The following FGD3 variants were observed in gnomAD, a reference collection of about 807,000 sequenced individuals.
FGD3 encodes the protein FYVE, RhoGEF and PH domain containing 3.
A neutral mutation model predicts 71.8 loss-of-function variants in FGD3; 45 were observed. The ratio of observed to expected loss-of-function variants is 0.63; its 90% CI spans 0.49 to 0.80. The LOEUF (loss-of-function observed/expected upper bound fraction) is 0.80, where lower values mean the gene tolerates loss of function less well. Ranked by LOEUF, FGD3 falls within the 30% of genes least tolerant of loss-of-function variation. The probability of loss-of-function intolerance (pLI) is 0.00; values close to 1 mark genes in which losing one functional copy is unlikely to be tolerated. For synonymous variants in FGD3, 378 were observed against 392.8 expected (o/e 0.96, Z 0.44); for missense variants, 844 against 951.5 (o/e 0.89, Z 1.49).
At chr9:93,034,866 GCACCTGGGTGGACCC>G in intron 17 of FGD3, among the ~76,000 whole-genome samples, 185 bp downstream of exon 17, 1 of 152,266 alleles carries the variant, frequency 6.6e-6, no homozygotes, top group African/African-American at 2.4e-5. Context: ...GAACCTACTG[GCACCTGGGTGGACCC>G]CAGAGCCAGC....
chr9:92,986,310 ATGT>A (rs767491262), intron 3 of FGD3, among the ~76,000 whole-genome samples: 4 of 152,120 alleles, frequency 2.6e-5, no homozygotes, highest in African/African-American at 7.2e-5. Flanking sequence ...CCCATCTCTC[ATGT>A]TCTTTAAGTA....
rs199640763 is a variant in FGD3 at position 93,022,389 on chromosome 9, G to A, written c.1557G>A (p.Gly519=). The change falls in exon 14 of 18, where the codon GGG becomes GGA. Residue 519 remains glycine (G), a splice_region_variant and synonymous_variant. Coordinates refer to ENST00000375482, the MANE Select transcript of FGD3 (RefSeq NM_001083536.2). ...CCGAAGGCAGTTCGGGTGCAGCAGG[G>A]GTAAGTGCCCCATGCTCAGCGGTCA... ...VTTEGSSGAA[G]LEPRKLSSKT... is the part of the protein sequence containing the mutation. 6.2e-7 allele frequency: 1 copy of A among 1,612,194 alleles called. No individual in the cohort carries two copies. Among genetic ancestry groups the A allele is most frequent in the African/African-American group, 1.3e-5 (1 of 74,934 alleles).
intron 14 of FGD3, among the ~76,000 whole-genome samples, chr9:93,026,291 C>G (rs1346751135): frequency 6.6e-6 from 1 of 152,134 alleles, no homozygotes; most frequent in South Asian, 2.1e-4. Context: ...GAGACTTGGG[C>G]CCAGCTTTTC....
At position 92,976,241 on chromosome 9, in the gene FGD3, G is replaced by C; in HGVS notation, c.-16G>C. On this transcript the variant is annotated 5_prime_UTR_variant, in exon 3 of 18. Transcript: ENST00000375482. ...TGGCCAGCCTCCACCTGAGCCCAGTGAGCTCAGCTTTAAGGATGGAGTCAG... is the reference window on the plus strand; with the variant it reads ...TGGCCAGCCTCCACCTGAGCCCAGTCAGCTCAGCTTTAAGGATGGAGTCAG... The C allele has an allele frequency of 6.5e-7, 1 of 1,549,698 alleles. No individual in the cohort carries two copies. Among genetic ancestry groups the C allele is most frequent in the Non-Finnish European group, 8.7e-7 (1 of 1,143,850 alleles).
At chr9:92,992,348 A>G (rs974082239) in intron 3 of FGD3, among the ~76,000 whole-genome samples, 2 of 152,108 alleles carry the variant, frequency 1.3e-5, no homozygotes, top group African/African-American at 4.8e-5. Flanking sequence ...CATGTTTTCA[A>G]GATGGTGTTT....
At chr9:93,009,838 C>A (rs562683893) in intron 6 of FGD3, among the ~76,000 whole-genome samples, 1 of 152,188 alleles carries the variant, frequency 6.6e-6, no homozygotes, top group Non-Finnish European at 1.5e-5. Flanking sequence ...GGCCCGATAC[C>A]CAGTGGGGAT....
Position 92,985,094 on chromosome 9 carries a change from C to T in FGD3, c.453+8385C>T, listed in dbSNP as rs1044775958. Reference sequence around the variant, plus strand: ...TCAGCCTTCAAAGCAGTCCCGTTTCCAGTGGCCAAGCTTTTGGCAGAGAGG... The same window carrying T: ...TCAGCCTTCAAAGCAGTCCCGTTTCTAGTGGCCAAGCTTTTGGCAGAGAGG... On this transcript the variant is annotated intron_variant, in intron 3 of 17. Coordinates refer to ENST00000375482, the MANE Select transcript of FGD3 (RefSeq NM_001083536.2). 2.6e-5 allele frequency among the ~76,000 whole-genome samples: 4 copies of T among 152,356 alleles called. No homozygotes were observed. The South Asian group carries it at 8.3e-4, about 32-fold the overall frequency.
At chr9:92,980,559 G>T (rs1340560537) in intron 3 of FGD3, among the ~76,000 whole-genome samples, 2 of 150,284 alleles carry the variant, frequency 1.3e-5, no homozygotes, top group Admixed American at 1.3e-4. Flanking sequence ...GTTGATTCAA[G>T]ATTTTTTTTT....
intron 14 of FGD3, among the ~76,000 whole-genome samples, chr9:93,028,941 T>A (rs201201749): frequency 7.0e-6 from 1 of 141,884 alleles, no homozygotes; most frequent in Non-Finnish European, 1.5e-5. Flanking sequence ...CAGAGGAGGG[T>A]ACAGCCCCTG....
At chr9:93,010,098 TG>T in intron 6 of FGD3, 147 bp from the exon 7 acceptor site, 2 of 859,324 alleles carry the variant, frequency 2.3e-6, no homozygotes, top group Non-Finnish European at 3.5e-6. Context: ...TTGTAAAGTG[TG>T]GTCTGTGTCA....
At chr9:92,994,343 G>A (rs550480997) in intron 3 of FGD3, among the ~76,000 whole-genome samples, 2 of 152,264 alleles carry the variant, frequency 1.3e-5, no homozygotes, top group African/African-American at 4.8e-5. Flanking sequence ...ATTTGTTTAA[G>A]TTCATTGTAG....
chr9:93,000,751 A>G (rs763369438), intron 3 of FGD3, among the ~76,000 whole-genome samples: 3 of 152,162 alleles, frequency 2.0e-5, no homozygotes, highest in Non-Finnish European at 4.4e-5. Flanking sequence ...TATAATTATA[A>G]TATGTCTTGG....
chr9:93,033,327 TCTCCTCCTCCTCCCCGTCCCCTTCTC>T (rs1258030155), intron 16 of FGD3: 4 of 177,040 alleles, frequency 2.3e-5, no homozygotes, highest in African/African-American at 8.1e-5. Context: ...CCCGTCCCCT[TCTCCTCCTCCTCCCCGTCCCCTTCTC>T]CTCTTCCTCT....
chr9:93,003,892 G>A lies in FGD3; in HGVS notation c.544-109G>A. On this transcript the variant is annotated intron_variant, in intron 4 of 17. Coordinates refer to ENST00000375482, the MANE Select transcript of FGD3 (RefSeq NM_001083536.2). This position sits in a 1 kb window ranked among gnomAD's most constrained non-coding sequence, Gnocchi z 4.1. ...CTGAAATTCATTAAGAAAACACAAG[G>A]TGGCAGCAGCGGCCCCTCCCGAGCG... The A allele has an allele frequency of 7.7e-7, 1 of 1,301,172 alleles. No individual in the cohort carries two copies. The highest frequency in any genetic ancestry group is 1.1e-6 in the Non-Finnish European group (1 of 930,410). 80.6% of individuals were successfully genotyped at this position (1,301,172 alleles called of 1,614,324 possible). A position where few individuals can be genotyped will look rare whatever the true frequency, so the allele number is the denominator to read the frequency against.
At chr9:93,009,843 G>A (rs1861232793) in intron 6 of FGD3, among the ~76,000 whole-genome samples, 1 of 152,234 alleles carries the variant, frequency 6.6e-6, no homozygotes, top group African/African-American at 2.4e-5. Context: ...GATACCCAGT[G>A]GGGATGGTTG....
intron 10 of FGD3, among the ~76,000 whole-genome samples, chr9:93,016,335 C>CTTTTTTT (rs71511639): frequency 2.8e-5 from 3 of 108,500 alleles, no homozygotes; most frequent in African/African-American, 1.0e-4. Flanking sequence ...GAATGACCTT[C>CTTTTTTT]TTTTTTTTTT....
chr9:92,978,358 G>A (rs1014293661), intron 3 of FGD3, among the ~76,000 whole-genome samples: 10 of 150,848 alleles, frequency 6.6e-5, no homozygotes, highest in Non-Finnish European at 1.5e-4. Context: ...CAAGCAATAA[G>A]CAATATTAAA....
chr9:93,007,904 G>A lies in FGD3; in HGVS notation c.837+1724G>A, dbSNP rs1225094023. ...GTTGCAGCAGACAGCATGGCCCACCGCAGAGAATTCTCCAACCCGAAGGTC... is the reference window on the plus strand; with the variant it reads ...GTTGCAGCAGACAGCATGGCCCACCACAGAGAATTCTCCAACCCGAAGGTC... On this transcript the variant is annotated intron_variant, in intron 6 of 17. Transcript: ENST00000375482. Among the ~76,000 whole-genome samples, 9 of 152,272 alleles carry A rather than the reference G, an allele frequency of 5.9e-5. No homozygotes were observed. The East Asian group carries it at 9.6e-4, about 16-fold the overall frequency.
intron 15 of FGD3, chr9:93,032,328 C>T (rs1862385450): frequency 5.5e-6 from 1 of 182,736 alleles, no homozygotes; most frequent in African/African-American, 2.3e-5. Context: ...TGCAAGGATT[C>T]CAATTTCTCC....
Sources: allele counts gnomAD v4.1 joint callset (sites outside exome capture counted in the v4.1 genomes callset), GRCh38; gene constraint gnomAD v4.1.1; non-coding constraint Gnocchi (gnomAD v3.1); transcripts MANE v1.5; gene names NCBI Gene and HGNC (gene_info 2026-07-23, HGNC 2026-07-21).